The following NRG1 variants were observed in gnomAD, a reference collection of about 807,000 sequenced individuals.
The protein encoded by NRG1 is neuregulin 1, also known as pro-neuregulin-1, membrane-bound isoform.
NRG1 carries 18 observed loss-of-function variants against 63.8 expected under a neutral mutation model. The ratio of observed to expected loss-of-function variants is 0.28; its 90% CI spans 0.19 to 0.42. The LOEUF is 0.42. Ranked by LOEUF, NRG1 falls within the 10% of genes least tolerant of loss-of-function variation. The probability of loss-of-function intolerance (pLI) is 1.00; values close to 1 mark genes in which losing one functional copy is unlikely to be tolerated. For missense variants in NRG1, 762 were observed against 814.7 expected (o/e 0.94, Z 0.79); for synonymous variants, 302 against 301.3 (o/e 1.00, Z -0.02).
chr8:31,862,762 ACAAATGGCAATT>A (rs1391749124), intron 1 of NRG1, among the ~76,000 whole-genome samples: 1 of 152,218 alleles, frequency 6.6e-6, no homozygotes, highest in Non-Finnish European at 1.5e-5. Flanking sequence ...TGCTCTAGCT[ACAAATGGCAATT>A]CCGATAACAA....
At chr8:32,767,419 A>G (rs1431939371) in exon 12 of NRG1, 1 of 152,232 alleles carries the variant, frequency 6.6e-6, no homozygotes, top group Non-Finnish European at 1.5e-5. Flanking sequence ...CACCAGCCAG[A>G]GATTTCTATC....
intron 1 of NRG1, among the ~76,000 whole-genome samples, chr8:32,056,391 G>T (rs901840763): frequency 6.6e-6 from 1 of 152,084 alleles, no homozygotes; most frequent in Non-Finnish European, 1.5e-5. Flanking sequence ...GCAATAAAAT[G>T]TTTATTTTCT....
At chr8:32,632,410 G>A (rs1034995430) in intron 5 of NRG1, among the ~76,000 whole-genome samples, 2 of 152,042 alleles carry the variant, frequency 1.3e-5, no homozygotes, top group Non-Finnish European at 1.5e-5. Context: ...TTAGCCGGGC[G>A]TGGTGGTGCA....
chr8:32,002,719 T>G (rs1027276991), intron 1 of NRG1, among the ~76,000 whole-genome samples: 28 of 152,206 alleles, frequency 1.8e-4, no homozygotes, highest in African/African-American at 6.7e-4. Context: ...CTTCTAGAGC[T>G]TCTCAGCTGA....
At chr8:32,177,880 G>A (rs904475108) in intron 1 of NRG1, among the ~76,000 whole-genome samples, 12 of 152,016 alleles carry the variant, frequency 7.9e-5, no homozygotes, top group South Asian at 2.1e-4. Flanking sequence ...TGCACAGACC[G>A]AGAAGGAAGA....
chr8:31,978,937 C>T (rs1808632049), intron 1 of NRG1, among the ~76,000 whole-genome samples: 1 of 152,114 alleles, frequency 6.6e-6, no homozygotes, highest in South Asian at 2.1e-4. Flanking sequence ...TGTCCTTTGG[C>T]TTATTTTATT....
In NRG1 at chr8:31,990,964, G is replaced by A. The variant is rs559616951; in HGVS notation, c.37+351533G>A. Among the ~76,000 whole-genome samples, 21 of 152,184 alleles carry A rather than the reference G, an allele frequency of 1.4e-4. 1 individual carries two copies. The highest frequency in any genetic ancestry group is 3.9e-4 in the African/African-American group (16 of 41,546). ...ATGAAACTCATTTCAACTGAGAAGT[G>A]AAAATTCTGGTTAAGGAAGAATTGG... On this transcript the variant is annotated intron_variant, in intron 1 of 10. Coordinates refer to the NRG1 transcript ENST00000519301.
At chr8:32,755,849 G>A (rs1337537817) in intron 8 of NRG1, among the ~76,000 whole-genome samples, 1 of 151,714 alleles carries the variant, frequency 6.6e-6, no homozygotes, top group Non-Finnish European at 1.5e-5. Flanking sequence ...TTCAAGTGAT[G>A]CTCATGCCTC....
chr8:32,759,712 C>A (rs1428677169), intron 10 of NRG1, among the ~76,000 whole-genome samples: 3 of 152,192 alleles, frequency 2.0e-5, no homozygotes, highest in African/African-American at 7.2e-5. Flanking sequence ...GTCTTTGGCT[C>A]TGCAAAATAC....
At chr8:31,854,403 G>T (rs1827613910) in intron 1 of NRG1, among the ~76,000 whole-genome samples, 1 of 152,148 alleles carries the variant, frequency 6.6e-6, no homozygotes. Context: ...TTGCGTAGAG[G>T]TGTTTGTAGT....
At chr8:31,979,878 T>C (rs1011306502) in intron 1 of NRG1, among the ~76,000 whole-genome samples, 3 of 152,096 alleles carry the variant, frequency 2.0e-5, no homozygotes, top group Non-Finnish European at 2.9e-5. Context: ...TTATTAATTC[T>C]TTACAGCTTC....
intron 1 of NRG1, among the ~76,000 whole-genome samples, chr8:32,498,231 G>A (rs1453626636): frequency 6.6e-6 from 1 of 152,194 alleles, no homozygotes; most frequent in Non-Finnish European, 1.5e-5. Context: ...CAAGGAAAGA[G>A]GGTTTGGGCA....
chr8:32,426,132 A>G (rs901382753), intron 1 of NRG1, among the ~76,000 whole-genome samples: 1 of 152,202 alleles, frequency 6.6e-6, no homozygotes, highest in Non-Finnish European at 1.5e-5. Flanking sequence ...AGCCCAGACT[A>G]AATAGACTGT....
chr8:32,081,224 C>T (rs1471845253), intron 1 of NRG1, among the ~76,000 whole-genome samples: 3 of 152,268 alleles, frequency 2.0e-5, no homozygotes, highest in South Asian at 2.1e-4. Flanking sequence ...ATATACATCT[C>T]CTTAAGCCAT....
chr8:32,259,715 G>A (rs1850146959), intron 1 of NRG1, among the ~76,000 whole-genome samples: 1 of 152,058 alleles, frequency 6.6e-6, no homozygotes, highest in Non-Finnish European at 1.5e-5. Context: ...AATAGAGAAG[G>A]TAAATGAATT....
intron 1 of NRG1, among the ~76,000 whole-genome samples, chr8:32,505,261 A>G (rs1225659532): frequency 1.3e-5 from 2 of 152,176 alleles, no homozygotes; most frequent in African/African-American, 4.8e-5. Context: ...AATCTAATTT[A>G]TGCTTGTTAA....
chr8:32,192,716 G>A (rs528188981), intron 1 of NRG1, among the ~76,000 whole-genome samples: 34 of 152,140 alleles, frequency 2.2e-4, no homozygotes, highest in African/African-American at 7.5e-4. Context: ...CCCTGCACAT[G>A]TACCAATGAA....
intron 1 of NRG1, among the ~76,000 whole-genome samples, chr8:31,794,778 A>G (rs1409203008): frequency 1.3e-5 from 2 of 152,080 alleles, no homozygotes; most frequent in Non-Finnish European, 2.9e-5. Flanking sequence ...TATTGAGTCT[A>G]TGATGCTGAA....
chr8:31,795,821 C>T (rs1365014836), intron 1 of NRG1, among the ~76,000 whole-genome samples: 2 of 152,048 alleles, frequency 1.3e-5, no homozygotes, highest in South Asian at 4.2e-4. Context: ...TTTGATTTTT[C>T]TGGGATTTAC....
Sources: allele counts gnomAD v4.1 joint callset (sites outside exome capture counted in the v4.1 genomes callset), GRCh38; gene constraint gnomAD v4.1.1; transcripts MANE v1.5; gene names NCBI Gene and HGNC (gene_info 2026-07-23, HGNC 2026-07-21).